The following ATXN1 variants were observed in gnomAD, a reference collection of about 807,000 sequenced individuals.
The protein encoded by ATXN1 is ataxin 1, also known as ataxin-1.
In ATXN1, 8 loss-of-function variants were observed where a neutral mutation model predicts 56.4. That is an observed-to-expected ratio of 0.14 (90% CI 0.08 to 0.26). The LOEUF (loss-of-function observed/expected upper bound fraction) is 0.26, where lower values mean the gene tolerates loss of function less well. ATXN1 is among the 10% of genes least tolerant of loss of function. ATXN1 has a pLI of 1.00. For missense variants in ATXN1, 987 were observed against 1,106.5 expected, an observed-to-expected ratio of 0.89 and a Z score of 1.53; for synonymous variants, 514 against 494.6, an observed-to-expected ratio of 1.04 and a Z score of -0.52.
At chr6:16,687,694 A>ACG (rs1398561599) in intron 2 of ATXN1, among the ~76,000 whole-genome samples, 2 of 148,278 alleles carry the variant, frequency 1.3e-5, no homozygotes, top group Admixed American at 6.8e-5. Flanking sequence ...ACACACACAC[A>ACG]CGGAGGATAC....
intron 6 of ATXN1, among the ~76,000 whole-genome samples, chr6:16,465,664 G>A (rs191407196): frequency 1.1e-4 from 17 of 152,148 alleles, no homozygotes; most frequent in South Asian, 6.2e-4. Context: ...ATGTTTGACC[G>A]GAAGACAAGA....
At chr6:16,710,525 T>C (rs1759501124) in intron 2 of ATXN1, among the ~76,000 whole-genome samples, 1 of 152,166 alleles carries the variant, frequency 6.6e-6, no homozygotes, top group Non-Finnish European at 1.5e-5. Context: ...CGCTATCTGT[T>C]TTCAAGATTT....
chr6:16,358,333 T>G (rs1761734975), intron 6 of ATXN1, among the ~76,000 whole-genome samples: 1 of 152,166 alleles, frequency 6.6e-6, no homozygotes, highest in African/African-American at 2.4e-5. Context: ...GGAGACGTCT[T>G]ATGAAAAAGA....
chr6:16,728,801 CCCAA>C (rs1236299952), intron 2 of ATXN1, among the ~76,000 whole-genome samples: 1 of 152,132 alleles, frequency 6.6e-6, no homozygotes, highest in Admixed American at 6.5e-5. Context: ...TTCTGGTATA[CCCAA>C]CCACAGATGA....
intron 6 of ATXN1, among the ~76,000 whole-genome samples, chr6:16,335,344 G>A (rs1034589996): frequency 6.6e-6 from 1 of 152,340 alleles, no homozygotes; most frequent in Admixed American, 6.5e-5. Context: ...CCAGAGAGGC[G>A]AGCTGGGACC....
chr6:16,449,242 G>A (rs899343194), intron 6 of ATXN1, among the ~76,000 whole-genome samples: 8 of 152,032 alleles, frequency 5.3e-5, no homozygotes, highest in East Asian at 1.9e-4. Flanking sequence ...GACAATTAAC[G>A]GCCAAGACCA....
chr6:16,580,772 T>C (rs994232124), intron 4 of ATXN1, among the ~76,000 whole-genome samples: 1 of 152,190 alleles, frequency 6.6e-6, no homozygotes, highest in African/African-American at 2.4e-5. Context: ...TAAAACACAA[T>C]ATACTCTTGA....
At chr6:16,700,869 G>A (rs1759268651) in intron 2 of ATXN1, among the ~76,000 whole-genome samples, 1 of 151,604 alleles carries the variant, frequency 6.6e-6, no homozygotes, top group Non-Finnish European at 1.5e-5. Context: ...CAGATCTTAA[G>A]AAGAAAAAGA....
At chr6:16,493,850 A>G (rs957288096) in intron 5 of ATXN1, among the ~76,000 whole-genome samples, 7 of 152,208 alleles carry the variant, frequency 4.6e-5, no homozygotes, top group Non-Finnish European at 7.3e-5. Flanking sequence ...CCTCAATGAA[A>G]TGTTCCACAA....
Position 16,300,610 on chromosome 6 carries a change from T to C in ATXN1, c.*5719A>G, listed in dbSNP as rs112334718. The stretch of plus-strand genomic sequence containing the variant: ...ACTAAAATAAAATGAGGCATTTACA[T>C]TGAAATCATGTTTTTACTCCCCCCA... On this transcript the variant is annotated 3_prime_UTR_variant, in exon 8 of 8. Coordinates refer to ENST00000436367, the MANE Select transcript of ATXN1 (RefSeq NM_001128164.2). The C allele has an allele frequency of 2.5e-3, 383 of 152,610 alleles. 1 individual carries two copies. The highest frequency in any genetic ancestry group is 4.4e-3 in the Non-Finnish European group (298 of 68,008). 9.5% of individuals were successfully genotyped at this position (152,610 alleles called of 1,614,324 possible).
chr6:16,732,059 T>C lies in ATXN1; in HGVS notation c.-615+21174A>G, dbSNP rs534847889. 2.3e-3 allele frequency among the ~76,000 whole-genome samples: 349 copies of C among 152,320 alleles called. 2 individuals are homozygous for C. The highest frequency in any genetic ancestry group is 8.2e-3 in the African/African-American group (340 of 41,572). Reference sequence around the variant, plus strand: ...GACTTTTCTAGTTGTCATATTTTTATAGCATGTTTTTGAGACAATGGACTA... The same window carrying C: ...GACTTTTCTAGTTGTCATATTTTTACAGCATGTTTTTGAGACAATGGACTA... On this transcript the variant is annotated intron_variant, in intron 2 of 7. Transcript: ENST00000436367.
rs1453722458 is a variant in ATXN1 at position 16,760,314 on chromosome 6, C to T, written c.-730+984G>A. 9.2e-5 allele frequency among the ~76,000 whole-genome samples: 14 copies of T among 152,112 alleles called. No individual in the cohort carries two copies. The highest frequency in any genetic ancestry group is 2.4e-4 in the African/African-American group (10 of 41,554). ...CCCAGCAGCCGCGCAGCCGTTCACTCCCGGCTCAGGGCAGCGCCTGCCGCG... is the reference window on the plus strand; with the variant it reads ...CCCAGCAGCCGCGCAGCCGTTCACTTCCGGCTCAGGGCAGCGCCTGCCGCG... On this transcript the variant is annotated intron_variant, in intron 1 of 7. Transcript: ENST00000436367. The surrounding 1 kb of genome is among the most constrained non-coding windows in gnomAD (Gnocchi z 5.3).
intron 5 of ATXN1, among the ~76,000 whole-genome samples, chr6:16,518,494 G>C (rs1395205954): frequency 1.3e-5 from 2 of 152,156 alleles, no homozygotes; most frequent in Non-Finnish European, 2.9e-5. Context: ...CTGGGGAACA[G>C]GCAGGTGTCA....
rs1369854145 is a variant in ATXN1, at chr6:16,299,406, A to C, written c.*6923T>G. ...GTTTAAAAAAGCTAGTGCAAGTACAATATTTTACACTGGAATTACAGAGAG... is the reference window on the plus strand; with the variant it reads ...GTTTAAAAAAGCTAGTGCAAGTACACTATTTTACACTGGAATTACAGAGAG... On this transcript the variant is annotated 3_prime_UTR_variant, in exon 8 of 8. Coordinates refer to ENST00000436367, the MANE Select transcript of ATXN1 (RefSeq NM_001128164.2). The C allele has an allele frequency of 6.5e-6, 1 of 152,672 alleles. No individual in the cohort carries two copies. The highest frequency in any genetic ancestry group is 1.9e-4 in the East Asian group (1 of 5,200). The allele number at this position is 152,672 out of a possible 1,614,324, so 9.5% of individuals were successfully genotyped here.
At chr6:16,671,424 G>A (rs1216049209) in intron 2 of ATXN1, among the ~76,000 whole-genome samples, 4 of 151,748 alleles carry the variant, frequency 2.6e-5, no homozygotes, top group African/African-American at 9.7e-5. Flanking sequence ...ATTCTGGTAA[G>A]AAAGTGGGCC....
chr6:16,675,594 T>C (rs1758644547), intron 2 of ATXN1, among the ~76,000 whole-genome samples: 1 of 151,990 alleles, frequency 6.6e-6, no homozygotes, highest in Non-Finnish European at 1.5e-5. Flanking sequence ...ATATTTAAAA[T>C]TGGAGGCCAG....
At chr6:16,540,487 C>T (rs1043561492) in intron 4 of ATXN1, among the ~76,000 whole-genome samples, 1 of 152,184 alleles carries the variant, frequency 6.6e-6, no homozygotes, top group African/African-American at 2.4e-5. Flanking sequence ...GCTGGGATTA[C>T]AGGCATGAGC....
At chr6:16,582,592 G>A (rs1005034947) in intron 4 of ATXN1, among the ~76,000 whole-genome samples, 1 of 152,160 alleles carries the variant, frequency 6.6e-6, no homozygotes, top group African/African-American at 2.4e-5. Context: ...GATAGGTCTT[G>A]TACATGAATG....
At chr6:16,746,826 T>C (rs559794730) in intron 2 of ATXN1, among the ~76,000 whole-genome samples, 1 of 152,058 alleles carries the variant, frequency 6.6e-6, no homozygotes, top group East Asian at 1.9e-4. Context: ...GAAGCAAAGG[T>C]CTTGGGGGAG....
Sources: gnomAD v4.1 joint callset for allele counts (sites outside exome capture counted in the v4.1 genomes callset) on GRCh38, gnomAD v4.1.1 for gene constraint, Gnocchi (gnomAD v3.1) non-coding constraint, MANE v1.5 for transcripts, NCBI Gene and HGNC (gene_info 2026-07-23, HGNC 2026-07-21) for gene names.